The following REEP1 variants were observed in gnomAD, a reference collection of about 807,000 sequenced individuals.
The protein encoded by REEP1 is receptor expression-enhancing protein 1.
In REEP1, 22 loss-of-function variants were observed where a neutral mutation model predicts 40.3. The observed-to-expected ratio is 0.55, with a 90% CI of 0.39 to 0.78. REEP1 has a LOEUF of 0.78. REEP1 is among the 30% of genes least tolerant of loss of function. The pLI, the probability that REEP1 is intolerant of heterozygous loss-of-function variation, is 0.00. For missense variants in REEP1, 280 were observed against 361.1 expected (o/e 0.78, Z 1.82); for synonymous variants, 116 against 139.2 (o/e 0.83, Z 1.17).
chr2:86,255,652 C>G (rs1219903752), intron 3 of REEP1, among the ~76,000 whole-genome samples: 2 of 152,172 alleles, frequency 1.3e-5, no homozygotes, highest in Admixed American at 6.5e-5. Context: ...CCACTGGGAA[C>G]ACAGACAAGA....
chr2:86,327,175 T>G (rs187662163), intron 1 of REEP1, among the ~76,000 whole-genome samples: 170 of 152,328 alleles, frequency 1.1e-3, no homozygotes, highest in Non-Finnish European at 2.0e-3. Context: ...ACTTTATTTT[T>G]TACTTCCAGA....
intron 1 of REEP1, among the ~76,000 whole-genome samples, chr2:86,288,826 C>A (rs536836414): frequency 1.3e-5 from 2 of 152,118 alleles, no homozygotes; most frequent in South Asian, 4.2e-4. Context: ...AAAATGGTAT[C>A]CCATGTTTGT....
intron 1 of REEP1, among the ~76,000 whole-genome samples, chr2:86,313,500 T>C (rs865976954): frequency 6.6e-6 from 1 of 152,118 alleles, no homozygotes; most frequent in African/African-American, 2.4e-5. Flanking sequence ...CTTTGTTTTA[T>C]GAATGGAAAG....
rs545966061 is a variant in REEP1, at chr2:86,312,489, C to T, written c.32+24990G>A. On this transcript the variant is annotated intron_variant, in intron 1 of 8. Transcript: ENST00000538924. ...CAGCAACACTTAGGCAAAGACAACA[C>T]AAGAGCTGTAAAATCAGACAGATTT... Among the ~76,000 whole-genome samples the T allele has an allele frequency of 4.6e-5, 7 of 152,260 alleles. No homozygotes were observed. In the South Asian group the frequency reaches 1.0e-3, roughly 23 times the overall value.
At chr2:86,257,615 A>G (rs1464110615) in intron 3 of REEP1, among the ~76,000 whole-genome samples, 1 of 148,872 alleles carries the variant, frequency 6.7e-6, no homozygotes, top group African/African-American at 2.5e-5. Context: ...ATACCACCAC[A>G]GGGATAGCTA....
At chr2:86,223,227 G>A (rs1245573112) in intron 7 of REEP1, among the ~76,000 whole-genome samples, 1 of 152,202 alleles carries the variant, frequency 6.6e-6, no homozygotes, top group African/African-American at 2.4e-5. Context: ...ATTAGCAAAT[G>A]TGTCAGCAGG....
At chr2:86,314,105 GATCTATCTACC>G in intron 1 of REEP1, among the ~76,000 whole-genome samples, 1 of 152,174 alleles carries the variant, frequency 6.6e-6, no homozygotes, top group East Asian at 1.9e-4. Flanking sequence ...TGACTGGAAT[GATCTATCTACC>G]CAGGAAGCTT....
chr2:86,328,834 C>T (rs1211611977), intron 1 of REEP1, among the ~76,000 whole-genome samples: 2 of 152,182 alleles, frequency 1.3e-5, no homozygotes, highest in African/African-American at 2.4e-5. Context: ...GGGGTGAGCA[C>T]TTTTGGGCTC....
intron 5 of REEP1, 111 bp downstream of exon 5, chr2:86,251,846 T>C (rs1304667143): frequency 8.4e-6 from 7 of 828,830 alleles, no homozygotes; most frequent in African/African-American, 1.7e-5. Flanking sequence ...CCCTAAAAGA[T>C]GAAAAACCAC....
intron 5 of REEP1, among the ~76,000 whole-genome samples, chr2:86,241,723 C>T (rs1675675391): frequency 6.6e-6 from 1 of 152,218 alleles, no homozygotes; most frequent in African/African-American, 2.4e-5. Flanking sequence ...ACTCAAACCC[C>T]TGCTTGGTTT....
At chr2:86,275,528 T>C (rs1574069294) in intron 2 of REEP1, among the ~76,000 whole-genome samples, 1 of 152,240 alleles carries the variant, frequency 6.6e-6, no homozygotes, top group African/African-American at 2.4e-5. Context: ...TCCCCAACCA[T>C]AACCACCCCA....
intron 1 of REEP1, among the ~76,000 whole-genome samples, chr2:86,287,860 A>G (rs1012010433): frequency 6.6e-6 from 1 of 152,182 alleles, no homozygotes; most frequent in African/African-American, 2.4e-5. Context: ...TGAGCCATGC[A>G]TAAACAGAAA....
At position 86,216,956 on chromosome 2, in the gene REEP1, G is replaced by T; in HGVS notation, c.*83C>A. Reference sequence around the variant, plus strand: ...TGCACACTCAAAGCACACCCAGCTTGCGGATTTCTATGTTATTAGTGAATA... The same window carrying T: ...TGCACACTCAAAGCACACCCAGCTTTCGGATTTCTATGTTATTAGTGAATA... On this transcript the variant is annotated 3_prime_UTR_variant, in exon 9 of 9. Coordinates refer to ENST00000538924, the MANE Select transcript of REEP1 (RefSeq NM_001371279.1). 1 of 1,161,670 alleles carries T rather than the reference G, an allele frequency of 8.6e-7. No homozygotes were observed. Among genetic ancestry groups the T allele is most frequent in the Non-Finnish European group, 1.3e-6 (1 of 777,620 alleles). 72.0% of individuals were successfully genotyped at this position (1,161,670 alleles called of 1,614,324 possible).
At chr2:86,332,562 C>G (rs550645717) in intron 1 of REEP1, among the ~76,000 whole-genome samples, 2 of 152,068 alleles carry the variant, frequency 1.3e-5, no homozygotes, top group South Asian at 4.1e-4. Flanking sequence ...CTCATTCTCC[C>G]CAGGGCTCCT....
At chr2:86,271,191 CA>C (rs1283011506) in intron 2 of REEP1, among the ~76,000 whole-genome samples, 1 of 151,264 alleles carries the variant, frequency 6.6e-6, no homozygotes, top group African/African-American at 2.4e-5. Flanking sequence ...GATTCTGTCT[CA>C]AACAAAAAAA....
intron 1 of REEP1, among the ~76,000 whole-genome samples, chr2:86,284,237 C>A (rs1250143819): frequency 1.3e-5 from 2 of 152,012 alleles, no homozygotes; most frequent in South Asian, 2.1e-4. Context: ...ACCTGGTCAC[C>A]CCCCCTGACG....
chr2:86,241,466 C>T (rs540366705), intron 5 of REEP1, among the ~76,000 whole-genome samples: 3 of 152,224 alleles, frequency 2.0e-5, no homozygotes, highest in Admixed American at 6.5e-5. Context: ...GAGAGCTGAT[C>T]GATCATCAGA....
At chr2:86,293,503 C>T (rs1678830785) in intron 1 of REEP1, among the ~76,000 whole-genome samples, 1 of 152,218 alleles carries the variant, frequency 6.6e-6, no homozygotes. Context: ...TATATTTACA[C>T]TGTGGTTGTG....
At chr2:86,239,258 A>G (rs1675540397) in intron 5 of REEP1, among the ~76,000 whole-genome samples, 1 of 150,280 alleles carries the variant, frequency 6.7e-6, no homozygotes, top group African/African-American at 2.4e-5. Context: ...TAAAACAGCA[A>G]TAACAGCAAC....
Sources: gnomAD v4.1 joint callset for allele counts (sites outside exome capture counted in the v4.1 genomes callset) on GRCh38, gnomAD v4.1.1 for gene constraint, MANE v1.5 for transcripts, NCBI Gene and HGNC (gene_info 2026-07-23, HGNC 2026-07-21) for gene names.